The following RASEF variants were observed in gnomAD, a reference collection of about 807,000 sequenced individuals.
The protein encoded by RASEF is RAS and EF-hand domain containing.
Under a neutral mutation model 90.1 loss-of-function variants are expected in RASEF, and 68 were observed. The observed-to-expected ratio is 0.75, with a 90% confidence interval of 0.62 to 0.92. The LOEUF is 0.92. RASEF is among the 40% of genes least tolerant of loss of function. The pLI is 0.00. For missense variants in RASEF, 949 were observed against 937.2 expected (o/e 1.01, Z -0.16); for synonymous variants, 331 against 345.2 (o/e 0.96, Z 0.46).
chr9:83,087,908 C>A, the RASEF span, among the ~76,000 whole-genome samples: 1 of 152,094 alleles, frequency 6.6e-6, no homozygotes, highest in African/African-American at 2.4e-5. Flanking sequence ...CTGCACACTG[C>A]TTTCACTGCA....
rs897119900 is a variant in RASEF at position 83,062,199 on chromosome 9, C to G, written c.431+238G>C. Among the ~76,000 whole-genome samples the G allele has an allele frequency of 4.6e-5, 7 of 152,198 alleles. No individual in the cohort carries two copies. The East Asian group carries it at 1.4e-3, about 29-fold the overall frequency. The stretch of plus-strand genomic sequence containing the variant: ...GAGAGCTCCTGTAATGAACACGCCG[C>G]CCTTTGCAGGCTCAGGATTCAGCAC... On this transcript the variant is annotated intron_variant, in intron 1 of 16. Transcript: ENST00000376447.
At chr9:83,202,463 T>C in the RASEF span, among the ~76,000 whole-genome samples, 8 of 152,122 alleles carry the variant, frequency 5.3e-5, no homozygotes, top group Non-Finnish European at 1.0e-4. Context: ...TAACAAGAAA[T>C]GGCATTAAAA....
At chr9:83,131,423 T>C in the RASEF span, among the ~76,000 whole-genome samples, 2 of 152,152 alleles carry the variant, frequency 1.3e-5, no homozygotes, top group Non-Finnish European at 2.9e-5. Context: ...GGAGGTATCC[T>C]CTAACAACTG....
the RASEF span, among the ~76,000 whole-genome samples, chr9:83,086,028 T>C: frequency 6.6e-6 from 1 of 152,168 alleles, no homozygotes; most frequent in African/African-American, 2.4e-5. Flanking sequence ...AACTGAGACC[T>C]CCTGTGTGTT....
the RASEF span, among the ~76,000 whole-genome samples, chr9:83,080,986 C>T: frequency 6.6e-6 from 1 of 152,004 alleles, no homozygotes; most frequent in Non-Finnish European, 1.5e-5. Context: ...TAAAGGAAAA[C>T]TCAATAGCAT....
In RASEF at chr9:82,992,940, C is replaced by T. The variant is rs547902995; in HGVS notation, c.2006G>A (p.Cys669Tyr). 1.2e-6 allele frequency: 2 copies of T among 1,613,768 alleles called. No individual in the cohort carries two copies. Among genetic ancestry groups the T allele is most frequent in the African/African-American group, 1.3e-5 (1 of 75,010 alleles). The change falls in exon 15 of 17, where the codon TGT (cysteine) becomes TAT (tyrosine). Residue 669 changes from cysteine (C) to tyrosine (Y), a missense_variant. Physicochemically the swap from Cys to Tyr is radical, Grantham distance 194. Around this residue, in one of 3 missense-constraint regions of RASEF, gnomAD observed 288 missense variants for 328.4 expected, o/e 0.88. Transcript: ENST00000376447. ...TTTCTCTCCAAAGTGCCCTGGGACA[C>T]ATTTTTGTCCCTCTGTAGCAGCAGT... ...RDTAATEGQK[C>Y]VPGHFGEKLA...
At chr9:83,200,419 A>G in the RASEF span, among the ~76,000 whole-genome samples, 1 of 152,066 alleles carries the variant, frequency 6.6e-6, no homozygotes, top group Non-Finnish European at 1.5e-5. Context: ...ATCCTTCTAA[A>G]AAGATGCACA....
chr9:83,017,182 G>T (rs1176586855), intron 3 of RASEF, among the ~76,000 whole-genome samples: 1 of 152,002 alleles, frequency 6.6e-6, no homozygotes, highest in Non-Finnish European at 1.5e-5. Context: ...AAACATTTTA[G>T]GGTTTAGAAA....
intron 9 of RASEF, 150 bp from the exon 10 acceptor site, chr9:83,001,280 T>C: frequency 1.7e-6 from 1 of 603,336 alleles, no homozygotes; most frequent in Non-Finnish European, 2.9e-6. Context: ...TTAGGGGAAA[T>C]AAAATGCTCA....
the RASEF span, among the ~76,000 whole-genome samples, chr9:83,206,902 T>A: frequency 6.6e-6 from 1 of 152,124 alleles, no homozygotes; most frequent in East Asian, 1.9e-4. Flanking sequence ...TCACCTTCCA[T>A]GGCTGCCTTA....
chr9:83,208,469 A>C, the RASEF span, among the ~76,000 whole-genome samples: 1 of 152,188 alleles, frequency 6.6e-6, no homozygotes. Context: ...GGCTCTGCCC[A>C]GTCTCCTCTA....
chr9:83,000,060 G>C, intron 12 of RASEF, 109 bp downstream of exon 12: 2 of 967,758 alleles, frequency 2.1e-6, no homozygotes, highest in East Asian at 2.4e-5. Flanking sequence ...TGCATACACA[G>C]AGAAAGAGAA....
chr9:83,027,369 C>T (rs974356348), intron 1 of RASEF, among the ~76,000 whole-genome samples: 4 of 152,140 alleles, frequency 2.6e-5, no homozygotes, highest in Admixed American at 6.5e-5. Context: ...CTTCTAATCA[C>T]GTCAGTCTTT....
chr9:83,188,832 T>C, the RASEF span, among the ~76,000 whole-genome samples: 1 of 152,158 alleles, frequency 6.6e-6, no homozygotes. Context: ...CTCTGTGCCA[T>C]CTTATTGGTA....
intron 1 of RASEF, among the ~76,000 whole-genome samples, chr9:83,058,582 T>C (rs911976454): frequency 1.3e-5 from 2 of 152,160 alleles, no homozygotes; most frequent in South Asian, 4.1e-4. Flanking sequence ...ACTACACTAT[T>C]ACAAAACAAG....
At chr9:83,038,578 G>T (rs776556316) in intron 1 of RASEF, among the ~76,000 whole-genome samples, 7 of 152,058 alleles carry the variant, frequency 4.6e-5, no homozygotes, top group Non-Finnish European at 1.0e-4. Context: ...ATTAAAATAC[G>T]TGAATATATT....
At chr9:83,003,656 A>T (rs992665577) in intron 9 of RASEF, among the ~76,000 whole-genome samples, 13 of 152,200 alleles carry the variant, frequency 8.5e-5, no homozygotes, top group Non-Finnish European at 1.9e-4. Flanking sequence ...AGAAATGATC[A>T]CCAATAAGCC....
chr9:83,180,808 G>A, the RASEF span, among the ~76,000 whole-genome samples: 1 of 151,982 alleles, frequency 6.6e-6, no homozygotes, highest in South Asian at 2.1e-4. Context: ...GAAAAATTGG[G>A]ATGCAGTTAC....
At chr9:83,114,711 T>C in the RASEF span, among the ~76,000 whole-genome samples, 1 of 152,166 alleles carries the variant, frequency 6.6e-6, no homozygotes, top group Non-Finnish European at 1.5e-5. Context: ...CCTGTAGCAC[T>C]CCCAGGCTTA....
Sources: gnomAD v4.1 joint callset for allele counts (sites outside exome capture counted in the v4.1 genomes callset) on GRCh38, gnomAD v4.1.1 for gene constraint, gnomAD v4.1.1 regional missense constraint, MANE v1.5 for transcripts, NCBI Gene and HGNC (gene_info 2026-07-23, HGNC 2026-07-21) for gene names.